The following KDM4C variants were observed in gnomAD, a reference collection of about 807,000 sequenced individuals.
The protein encoded by KDM4C is lysine-specific demethylase 4C.
KDM4C carries 81 observed loss-of-function variants against 129.3 expected under a neutral mutation model. The ratio of observed to expected loss-of-function variants is 0.63; its 90% confidence interval spans 0.52 to 0.75. KDM4C has a LOEUF of 0.75. Among genes scored for constraint, KDM4C ranks in the 30% least tolerant of loss-of-function variants. The probability of loss-of-function intolerance (pLI) is 0.00; values close to 1 mark genes in which losing one functional copy is unlikely to be tolerated. For synonymous variants in KDM4C, 573 were observed against 456.1 expected, an observed-to-expected ratio of 1.26 and a Z score of -3.26; for missense variants, 1,457 against 1,304.0, an observed-to-expected ratio of 1.12 and a Z score of -1.81.
At chr9:7,128,269 G>C in intron 19 of KDM4C, 33 bp downstream of exon 19, 1 of 1,457,352 alleles carries the variant, frequency 6.9e-7, no homozygotes. Flanking sequence ...CTGCTACCCA[G>C]AGTAATTTAA....
chr9:6,823,021 A>G (rs1184124897), intron 4 of KDM4C, among the ~76,000 whole-genome samples: 1 of 152,256 alleles, frequency 6.6e-6, no homozygotes, highest in Non-Finnish European at 1.5e-5. Flanking sequence ...TGTGTAGCAT[A>G]ATGATGATTC....
chr9:7,057,942 C>T (rs184847592), intron 17 of KDM4C, among the ~76,000 whole-genome samples: 404 of 152,298 alleles, frequency 2.7e-3, no homozygotes, highest in Non-Finnish European at 4.7e-3. Flanking sequence ...TTGTTCAGGA[C>T]GGTTTTGCTA....
chr9:6,881,013 T>A (rs1844364139), intron 6 of KDM4C, among the ~76,000 whole-genome samples: 1 of 152,218 alleles, frequency 6.6e-6, no homozygotes, highest in Non-Finnish European at 1.5e-5. Context: ...GATTGAGTCC[T>A]CAGTGAGCAG....
Position 6,880,983 on chromosome 9 carries a change from G to C in KDM4C, c.679+922G>C, listed in dbSNP as rs890633788. ...CATTTGAGTGACAACTGAGGAGCAA[G>C]GCCTTCTGCCTTTATCCAGGATTGA... is the stretch of plus-strand genomic sequence containing the variant. On this transcript the variant is annotated intron_variant, in intron 6 of 21. Coordinates refer to ENST00000381309, the MANE Select transcript of KDM4C (RefSeq NM_015061.6). Among the ~76,000 whole-genome samples, 3 of 152,198 alleles carry C rather than the reference G, an allele frequency of 2.0e-5. No homozygotes were observed. The East Asian group carries it at 5.8e-4, about 29-fold the overall frequency.
intron 17 of KDM4C, among the ~76,000 whole-genome samples, chr9:7,057,502 A>G (rs570208950): frequency 1.3e-5 from 2 of 152,272 alleles, no homozygotes; most frequent in Non-Finnish European, 2.9e-5. Context: ...GGCTATGCAG[A>G]TTAACCCTCT....
intron 15 of KDM4C, among the ~76,000 whole-genome samples, chr9:7,026,266 A>G (rs1290125520): frequency 6.6e-6 from 1 of 151,222 alleles, no homozygotes; most frequent in Non-Finnish European, 1.5e-5. Flanking sequence ...GATAGGTATG[A>G]TGTTTATGAA....
At chr9:7,016,571 G>A (rs887002164) in intron 15 of KDM4C, among the ~76,000 whole-genome samples, 4 of 151,102 alleles carry the variant, frequency 2.6e-5, no homozygotes, top group Admixed American at 2.0e-4. Context: ...GACTACGGGC[G>A]CCTGCCACCA....
chr9:6,838,628 A>T (rs1351574687), intron 4 of KDM4C, among the ~76,000 whole-genome samples: 2 of 152,126 alleles, frequency 1.3e-5, no homozygotes, highest in African/African-American at 4.8e-5. Flanking sequence ...TTTCTTTCAA[A>T]ACTTGCTATA....
In KDM4C at chr9:6,802,038, G is replaced by GAGGTTCCAGTGAGCTGA. The variant is rs1305692808; in HGVS notation, c.145-3560_145-3544dup. Among the ~76,000 whole-genome samples the GAGGTTCCAGTGAGCTGA allele has an allele frequency of 2.0e-5, 3 of 151,546 alleles. No homozygotes were observed. In the East Asian group the frequency reaches 5.8e-4, roughly 29 times the overall value. On this transcript the variant is annotated intron_variant, in intron 2 of 21. Coordinates refer to ENST00000381309, the MANE Select transcript of KDM4C (RefSeq NM_015061.6). ...GAGAATTGCTTGAACCCAGGAGGTG[G>GAGGTTCCAGTGAGCTGA]AGGTTCCAGTGAGCTGACATCGCGC... is the stretch of plus-strand genomic sequence containing the variant.
At chr9:6,879,891 TCA>T (rs1844172874) in intron 5 of KDM4C, 119 bp from the exon 6 acceptor site, 1 of 511,840 alleles carries the variant, frequency 2.0e-6, no homozygotes, top group Non-Finnish European at 3.5e-6. Flanking sequence ...TCTACTCAGT[TCA>T]TCTAAGTGGA....
intron 7 of KDM4C, among the ~76,000 whole-genome samples, chr9:6,888,837 G>T (rs1226804329): frequency 6.8e-5 from 2 of 29,528 alleles, no homozygotes; most frequent in East Asian, 1.4e-3. Context: ...GCCCAGGCTG[G>T]AGTGCAGTGG....
chr9:6,915,458 G>A lies in KDM4C; in HGVS notation c.921+22226G>A, dbSNP rs1001759081. ...GATGCCTGCCACTTTGAGGTTCGGG[G>A]TTACATTCCATTTTAATTCAAAAGA... On this transcript the variant is annotated intron_variant, in intron 8 of 21. Coordinates refer to ENST00000381309, the MANE Select transcript of KDM4C (RefSeq NM_015061.6). 2.0e-5 allele frequency among the ~76,000 whole-genome samples: 3 copies of A among 152,112 alleles called. No individual in the cohort carries two copies. In the South Asian group the frequency reaches 6.2e-4, roughly 32 times the overall value.
At chr9:7,069,458 G>A (rs1407195468) in intron 17 of KDM4C, among the ~76,000 whole-genome samples, 2 of 152,150 alleles carry the variant, frequency 1.3e-5, no homozygotes, top group Non-Finnish European at 2.9e-5. Flanking sequence ...GTTACAGTGA[G>A]CCATGATTGC....
At chr9:6,939,447 A>T (rs900646365) in intron 8 of KDM4C, among the ~76,000 whole-genome samples, 1 of 152,130 alleles carries the variant, frequency 6.6e-6, no homozygotes, top group Non-Finnish European at 1.5e-5. Flanking sequence ...TTACAGTGTA[A>T]TAATAATAGA....
intron 9 of KDM4C, 82 bp downstream of exon 9, chr9:6,981,200 T>C (rs1816714698): frequency 9.2e-7 from 1 of 1,081,442 alleles, no homozygotes; most frequent in South Asian, 1.8e-5. Context: ...GGCAATTTAC[T>C]TGCTTTTTCT....
At chr9:6,750,975 TGG>T (rs1563927754) in intron 1 of KDM4C, among the ~76,000 whole-genome samples, 1 of 152,084 alleles carries the variant, frequency 6.6e-6, no homozygotes, top group Non-Finnish European at 1.5e-5. Flanking sequence ...GTGGGTACCT[TGG>T]TTATTTTTTC....
chr9:6,972,488 A>AT (rs1832169258), intron 8 of KDM4C, among the ~76,000 whole-genome samples: 1 of 152,184 alleles, frequency 6.6e-6, no homozygotes, highest in Admixed American at 6.5e-5. Flanking sequence ...CGTTGTTAAA[A>AT]TTAAGTTGGT....
At chr9:7,055,460 T>A (rs1830743345) in intron 17 of KDM4C, among the ~76,000 whole-genome samples, 2 of 152,202 alleles carry the variant, frequency 1.3e-5, no homozygotes, top group South Asian at 4.1e-4. Context: ...AAAAGGAATT[T>A]ACACTACAAT....
At chr9:6,864,288 A>C (rs570589024) in intron 5 of KDM4C, among the ~76,000 whole-genome samples, 1 of 152,328 alleles carries the variant, frequency 6.6e-6, no homozygotes, top group South Asian at 2.1e-4. Flanking sequence ...TTCTTGGATG[A>C]CAATCCCCAT....
Sources: gnomAD v4.1 joint callset for allele counts (sites outside exome capture counted in the v4.1 genomes callset) on GRCh38, gnomAD v4.1.1 for gene constraint, MANE v1.5 for transcripts, NCBI Gene and HGNC (gene_info 2026-07-23, HGNC 2026-07-21) for gene names.